EEF1AKMT4: variants seen among roughly 807,000 people sequenced by gnomAD.
EEF1AKMT4 encodes eukaryotic translation elongation factor 1 alpha lysine specific methyltransferase 4.
Under a neutral mutation model 23.0 loss-of-function variants are expected in EEF1AKMT4, and 17 were observed. That is an observed-to-expected ratio of 0.74 (90% CI 0.51 to 1.11). EEF1AKMT4 has a LOEUF of 1.11. EEF1AKMT4 is among the 50% of genes least tolerant of loss of function. The probability of loss-of-function intolerance (pLI) is 0.00; values close to 1 mark genes in which losing one functional copy is unlikely to be tolerated. For synonymous variants in EEF1AKMT4, 140 were observed against 141.4 expected (o/e 0.99, Z 0.07); for missense variants, 318 against 333.4 (o/e 0.95, Z 0.36).
intron 1 of EEF1AKMT4, 122 bp from the exon 2 acceptor site, chr3:184,257,348 ACCT>A (rs1410205844): frequency 6.1e-6 from 6 of 981,126 alleles, no homozygotes; most frequent in East Asian, 2.6e-5. Context: ...GCACTCTGCC[ACCT>A]CCTCTCAGTA....
intron 1 of EEF1AKMT4, among the ~76,000 whole-genome samples, chr3:184,255,607 G>A (rs1356989938): frequency 6.6e-6 from 1 of 152,228 alleles, no homozygotes; most frequent in Middle Eastern, 3.2e-3. Context: ...GCCTGGAAGA[G>A]GCCACTGGAT....
chr3:184,257,935 C>G (rs142968686), intron 2 of EEF1AKMT4, among the ~76,000 whole-genome samples, 179 bp downstream of exon 2: 1 of 152,058 alleles, frequency 6.6e-6, no homozygotes. Flanking sequence ...TTTATAGAGG[C>G]GGCTGGAGTA....
intron 1 of EEF1AKMT4, among the ~76,000 whole-genome samples, chr3:184,256,561 C>G (rs141339073): frequency 7.0e-4 from 106 of 152,196 alleles, no homozygotes; most frequent in African/African-American, 2.5e-3. Flanking sequence ...AACTGAGGCT[C>G]AAAGAGTTGA....
intron 1 of EEF1AKMT4, among the ~76,000 whole-genome samples, chr3:184,254,772 G>A (rs1719724621): frequency 6.6e-6 from 1 of 152,000 alleles, no homozygotes; most frequent in Non-Finnish European, 1.5e-5. Context: ...TTCAACTCCT[G>A]TTCCCATGAT....
chr3:184,249,683 G>A lies in EEF1AKMT4; in HGVS notation c.-12G>A. 1 of 1,582,430 alleles carries A rather than the reference G, an allele frequency of 6.3e-7. No homozygotes were observed. The highest frequency in any genetic ancestry group is 1.1e-5 in the South Asian group (1 of 89,900). ...AAGGGCCGGCGGCTCTGGCTGCCCG[G>A]CGGTTGAGAGCATGGCCTCTCCAGG... On this transcript the variant is annotated 5_prime_UTR_variant, in exon 1 of 3. Coordinates refer to ENST00000324557, the MANE Select transcript of EEF1AKMT4 (RefSeq NM_032331.4).
At chr3:184,253,694 G>C (rs112871049) in intron 1 of EEF1AKMT4, among the ~76,000 whole-genome samples, 2 of 145,142 alleles carry the variant, frequency 1.4e-5, no homozygotes, top group Non-Finnish European at 3.0e-5. Context: ...TTTTTACATG[G>C]AATCTCGTTC....
At chr3:184,250,710 C>T (rs1282697277) in intron 1 of EEF1AKMT4, among the ~76,000 whole-genome samples, 2 of 151,914 alleles carry the variant, frequency 1.3e-5, no homozygotes, top group East Asian at 1.9e-4. Context: ...GTATAAATAA[C>T]AAATCTAATG....
chr3:184,258,543 C>T lies in EEF1AKMT4; in HGVS notation c.736C>T (p.His246Tyr). 6.2e-7 allele frequency: 1 copy of T among 1,604,550 alleles called. No individual in the cohort carries two copies. Among genetic ancestry groups the T allele is most frequent in the Non-Finnish European group, 8.5e-7 (1 of 1,174,968 alleles). The change falls in exon 3 of 3, where the codon CAT becomes TAT. Residue 246 changes from histidine to tyrosine, a missense_variant. By Grantham distance (83) the His-to-Tyr change is moderately conservative (BLOSUM62 2). Coordinates refer to ENST00000324557, the MANE Select transcript of EEF1AKMT4 (RefSeq NM_032331.4). ...TSPCFLQDSDHEDFLSAIQL is the reference protein window; with the variant it reads ...TSPCFLQDSDYEDFLSAIQL ...ACCTTGCTTCCTTCAGGACTCAGAT[C>T]ATGAGGACTTCCTTAGTGCCATTCA...
chr3:184,257,341 C>A, intron 1 of EEF1AKMT4, 132 bp from the exon 2 acceptor site: 1 of 924,938 alleles, frequency 1.1e-6, no homozygotes, highest in Non-Finnish European at 1.6e-6. Context: ...TTTTTCTGCA[C>A]TCTGCCACCT....
chr3:184,253,122 A>G (rs897338025), intron 1 of EEF1AKMT4, among the ~76,000 whole-genome samples: 10 of 152,196 alleles, frequency 6.6e-5, no homozygotes, highest in Non-Finnish European at 2.9e-5. Flanking sequence ...CTTGTCAAGA[A>G]TGTGCTCCCA....
intron 1 of EEF1AKMT4, among the ~76,000 whole-genome samples, chr3:184,252,718 G>A (rs1408744431): frequency 4.6e-5 from 7 of 152,044 alleles, no homozygotes; most frequent in Non-Finnish European, 4.4e-5. Context: ...CGAGGCGGGC[G>A]GGTCACCTGA....
chr3:184,254,693 AC>A lies in EEF1AKMT4; in HGVS notation c.197-2779del, dbSNP rs555853020. Among the ~76,000 whole-genome samples, 366 of 152,184 alleles carry A rather than the reference AC, an allele frequency of 2.4e-3. 1 individual carries two copies. The highest frequency in any genetic ancestry group is 8.5e-3 in the African/African-American group (352 of 41,504). ...AAGACTCCGTCTCAAAAAAAAAAAA[AC>A]TTAATTTGGAATCAATTTGACTTCC... On this transcript the variant is annotated intron_variant, in intron 1 of 2. Transcript: ENST00000324557.
intron 2 of EEF1AKMT4, 148 bp from the exon 3 acceptor site, chr3:184,258,140 A>G (rs1245077704): frequency 5.1e-6 from 4 of 784,640 alleles, no homozygotes; most frequent in Admixed American, 4.6e-5. Flanking sequence ...AGGGGCAGAG[A>G]AAGTGGCTCA....
chr3:184,250,865 C>T (rs1197780832), intron 1 of EEF1AKMT4, among the ~76,000 whole-genome samples: 1 of 151,980 alleles, frequency 6.6e-6, no homozygotes, highest in Non-Finnish European at 1.5e-5. Context: ...GGGCGGATCA[C>T]CTGAGGTCGG....
At chr3:184,252,396 C>T (rs527767884) in intron 1 of EEF1AKMT4, among the ~76,000 whole-genome samples, 1 of 152,300 alleles carries the variant, frequency 6.6e-6, no homozygotes, top group East Asian at 1.9e-4. Context: ...TTACATTCCA[C>T]CTCAACAGAC....
chr3:184,258,427 A>G lies in EEF1AKMT4; in HGVS notation c.620A>G (p.His207Arg), dbSNP rs752390766. Reference protein sequence around the residue: ...HATYGSGFHFHLYLMHKGGKL... With the variant: ...HATYGSGFHFRLYLMHKGGKL... The stretch of plus-strand genomic sequence containing the variant: ...ACCTATGGCAGCGGTTTCCACTTCC[A>G]TCTCTACCTCATGCACAAGGGCGGG... The change falls in exon 3 of 3, where the codon CAT becomes CGT. Residue 207 changes from histidine to arginine, a missense_variant. Transcript: ENST00000324557. 1 of 1,613,836 alleles carries G rather than the reference A, an allele frequency of 6.2e-7. No individual in the cohort carries two copies. The highest frequency in any genetic ancestry group is 1.3e-5 in the African/African-American group (1 of 74,990).
chr3:184,249,739 G>A lies in EEF1AKMT4; in HGVS notation c.45G>A (p.Glu15=). Residue 15 remains glutamate, a synonymous_variant, in exon 1 of 3, where the codon GAG becomes GAA. Coordinates refer to ENST00000324557, the MANE Select transcript of EEF1AKMT4 (RefSeq NM_032331.4). ...GTAGGGCGCCTCCGGAGTTACCGGA[G>A]CGGAACTGCGGGTACCGCGAAGTCG... The part of the protein sequence containing the change: ...GAGRAPPELP[E]RNCGYREVEY... 1.2e-6 allele frequency: 2 copies of A among 1,612,736 alleles called. No homozygotes were observed. The highest frequency in any genetic ancestry group is 1.7e-6 in the Non-Finnish European group (2 of 1,179,704).
chr3:184,258,519 C>T lies in EEF1AKMT4; in HGVS notation c.712C>T (p.Pro238Ser). Residue 238 changes from proline to serine, a missense_variant, in exon 3 of 3, where the codon CCT becomes TCT. Pro to Ser is a moderately conservative substitution (Grantham distance 74). Transcript: ENST00000324557. Reference protein sequence around the residue: ...ILSPPRPPTSPCFLQDSDHED... With the variant: ...ILSPPRPPTSSCFLQDSDHED... ...CTCACCCCCCAGACCTCCCACCTCA[C>T]CTTGCTTCCTTCAGGACTCAGATCA... The T allele has an allele frequency of 6.2e-7, 1 of 1,611,686 alleles. No homozygotes were observed.
chr3:184,258,461 T>C lies in EEF1AKMT4; in HGVS notation c.654T>C (p.Ser218=), dbSNP rs1180880583. The change falls in exon 3 of 3, where the codon AGT becomes AGC. Residue 218 remains serine (S), a synonymous_variant. Coordinates refer to ENST00000324557, the MANE Select transcript of EEF1AKMT4 (RefSeq NM_032331.4). ...TCATGCACAAGGGCGGGAAGCTCAG[T>C]GTGGCCCAGCTGGCTCTGGGGGCCC... ...LYLMHKGGKL[S]VAQLALGAQI... The C allele has an allele frequency of 3.7e-6, 6 of 1,613,760 alleles. No individual in the cohort carries two copies. The highest frequency in any genetic ancestry group is 1.3e-5 in the African/African-American group (1 of 74,848).
Sources: allele counts gnomAD v4.1 joint callset (sites outside exome capture counted in the v4.1 genomes callset), GRCh38; gene constraint gnomAD v4.1.1; transcripts MANE v1.5; gene names NCBI Gene and HGNC (gene_info 2026-07-23, HGNC 2026-07-21).